The following LCOR variants were observed in gnomAD, a reference collection of about 807,000 sequenced individuals.
LCOR encodes the protein ligand dependent nuclear receptor corepressor.
Under a neutral mutation model 64.4 loss-of-function variants are expected in LCOR, and 14 were observed. The ratio of observed to expected loss-of-function variants is 0.22; its 90% CI spans 0.14 to 0.34. LCOR has a LOEUF of 0.34. Ranked by LOEUF, LCOR falls within the 10% of genes least tolerant of loss-of-function variation. LCOR has a pLI of 1.00. For missense variants in LCOR, 1,686 were observed against 1,765.3 expected (o/e 0.96, Z 0.80); for synonymous variants, 643 against 642.5 (o/e 1.00, Z -0.01).
Position 96,984,170 on chromosome 10 carries a change from A to G in LCOR, c.3710A>G (p.Lys1237Arg). The part of the protein sequence containing the change: ...PSSLQAERLK[K>R]HLKKFPGATP... ...TCACTACAGGCTGAGCGCTTGAAAAAGCACTTGAAGAAATTTCCTGGAGCT... is the reference window on the plus strand; with the variant it reads ...TCACTACAGGCTGAGCGCTTGAAAAGGCACTTGAAGAAATTTCCTGGAGCT... Residue 1237 changes from lysine to arginine, a missense_variant, in exon 8 of 8, where the codon AAG (lysine) becomes AGG (arginine). By Grantham distance (26) the Lys-to-Arg change is conservative (BLOSUM62 2). Transcript: ENST00000421806. The G allele has an allele frequency of 1.9e-6, 3 of 1,614,134 alleles. No homozygotes were observed. Among genetic ancestry groups the G allele is most frequent in the Non-Finnish European group, 2.5e-6 (3 of 1,180,012 alleles).
rs1277188934 is a variant in LCOR at position 96,984,982 on chromosome 10, C to T, written c.4522C>T (p.Gln1508Ter). The change falls in exon 8 of 8, where the codon CAG (glutamine) becomes TAG (stop). Residue 1508 changes from glutamine (Q) to a stop codon, truncating the protein, a stop_gained. Transcript: ENST00000421806. LOFTEE classifies it high-confidence loss of function. ...KGAGESSSRPQKATNRKQSSG... is the reference protein window; with the variant it reads ...KGAGESSSRP Reference sequence around the variant, plus strand: ...GGCCGGTGAATCCTCTTCAAGGCCTCAGAAAGCCACGAATAGGAAGCAGAG... The same window carrying T: ...GGCCGGTGAATCCTCTTCAAGGCCTTAGAAAGCCACGAATAGGAAGCAGAG... 1 of 1,614,058 alleles carries T rather than the reference C, an allele frequency of 6.2e-7. No homozygotes were observed. The highest frequency in any genetic ancestry group is 8.5e-7 in the Non-Finnish European group (1 of 1,180,052).
chr10:96,845,652 A>G (rs1014153916), intron 2 of LCOR, among the ~76,000 whole-genome samples: 2 of 150,400 alleles, frequency 1.3e-5, no homozygotes, highest in African/African-American at 4.9e-5. Flanking sequence ...TATTTTTAGT[A>G]GAGACGGGGT....
intron 4 of LCOR, among the ~76,000 whole-genome samples, chr10:96,924,522 G>T (rs1589659810): frequency 1.3e-5 from 2 of 152,006 alleles, no homozygotes; most frequent in East Asian, 3.9e-4. Context: ...GATTATAGAT[G>T]TGAGCTACTG....
chr10:96,852,290 C>T (rs578162424), intron 2 of LCOR, among the ~76,000 whole-genome samples: 342 of 152,082 alleles, frequency 2.2e-3, no homozygotes, highest in Non-Finnish European at 2.4e-3. Flanking sequence ...AGTCTGGTGG[C>T]GCATGCCTGT....
At chr10:96,967,982 A>C (rs965565754) in intron 7 of LCOR, among the ~76,000 whole-genome samples, 2 of 152,226 alleles carry the variant, frequency 1.3e-5, no homozygotes, top group African/African-American at 2.4e-5. Flanking sequence ...GACTAGATCC[A>C]CTGAATCAGT....
chr10:96,907,258 CT>C lies in LCOR; in HGVS notation c.-329-4del, dbSNP rs1846745582. 1 of 963,436 alleles carries C rather than the reference CT, an allele frequency of 1.0e-6. No individual in the cohort carries two copies. The highest frequency in any genetic ancestry group is 1.2e-6 in the Non-Finnish European group (1 of 809,994). 59.7% of individuals were successfully genotyped at this position (963,436 alleles called of 1,614,324 possible). A position where few individuals can be genotyped will look rare whatever the true frequency, so the allele number is the denominator to read the frequency against. ...TGTGGTAATGGATTTTGTTTTTATC[CT>C]TTCAGGGTTTGAAAGTATTCTTGAA... is the stretch of plus-strand genomic sequence containing the variant. On this transcript the variant is annotated splice_region_variant and splice_polypyrimidine_tract_variant and intron_variant, in intron 2 of 7. Coordinates refer to ENST00000421806, the MANE Select transcript of LCOR (RefSeq NM_001346516.2).
At chr10:96,835,662 A>G (rs1164877593) in intron 2 of LCOR, among the ~76,000 whole-genome samples, 1 of 152,120 alleles carries the variant, frequency 6.6e-6, no homozygotes, top group Non-Finnish European at 1.5e-5. Flanking sequence ...CTCTTGACTG[A>G]TTATCTTAAT....
chr10:96,844,117 CT>C lies in LCOR; in HGVS notation c.-330+10639del, dbSNP rs1185525079. Among the ~76,000 whole-genome samples the C allele has an allele frequency of 2.8e-4, 29 of 103,898 alleles. 1 individual carries two copies. Among genetic ancestry groups the C allele is most frequent in the African/African-American group, 1.0e-3 (22 of 21,016 alleles). The allele number at this position is 103,898 out of a possible 152,430, so 68.2% of individuals were successfully genotyped here. On this transcript the variant is annotated intron_variant, in intron 2 of 7. Coordinates refer to ENST00000421806, the MANE Select transcript of LCOR (RefSeq NM_001346516.2). ...CCTCCCTCCCTCCCTTCCTTCCCCC[CT>C]CCCTCCCTTCCTTCCCTCCCTCCCT... is the stretch of plus-strand genomic sequence containing the variant.
intron 7 of LCOR, among the ~76,000 whole-genome samples, chr10:96,954,702 G>A (rs6584108): frequency 1 from 152,185 of 152,272 alleles, 76,049 homozygotes; most frequent in Middle Eastern, 1. Flanking sequence ...ACCAGAGACC[G>A]GCTGACAGGT....
chr10:96,857,434 C>T (rs1161766120), intron 2 of LCOR, among the ~76,000 whole-genome samples: 1 of 152,158 alleles, frequency 6.6e-6, no homozygotes, highest in Non-Finnish European at 1.5e-5. Flanking sequence ...ATAAATTTAT[C>T]ATGTCCAGCT....
chr10:96,875,037 A>C (rs1846139631), intron 2 of LCOR, among the ~76,000 whole-genome samples: 2 of 149,820 alleles, frequency 1.3e-5, no homozygotes, highest in African/African-American at 2.5e-5. Context: ...CTGCACCTCC[A>C]CCCCCACCCC....
chr10:96,992,684 G>A lies in LCOR; in HGVS notation c.*7550G>A, dbSNP rs891729905. ...CTTGCATGCACAGTTGGTACATTCA[G>A]CTGTACACTTAACAGCCTGTACAGG... On this transcript the variant is annotated 3_prime_UTR_variant, in exon 8 of 8. Transcript: ENST00000421806. The A allele has an allele frequency of 2.0e-5, 3 of 152,268 alleles. No individual in the cohort carries two copies. Among genetic ancestry groups the A allele is most frequent in the Non-Finnish European group, 4.4e-5 (3 of 68,060 alleles). 9.4% of individuals were successfully genotyped at this position (152,268 alleles called of 1,614,324 possible).
chr10:96,925,803 G>A (rs1648138788), intron 4 of LCOR, among the ~76,000 whole-genome samples: 1 of 152,084 alleles, frequency 6.6e-6, no homozygotes, highest in Non-Finnish European at 1.5e-5. Flanking sequence ...ATAGTTTCTT[G>A]CCTAAATCAG....
At chr10:96,936,731 C>T (rs1847356679) in intron 4 of LCOR, among the ~76,000 whole-genome samples, 1 of 149,130 alleles carries the variant, frequency 6.7e-6, no homozygotes, top group East Asian at 1.9e-4. Context: ...ATGAATCCAC[C>T]CCTGGTACCT....
chr10:96,977,698 G>A (rs948786079), intron 7 of LCOR, among the ~76,000 whole-genome samples: 1 of 151,920 alleles, frequency 6.6e-6, no homozygotes, highest in Non-Finnish European at 1.5e-5. Context: ...TTGATGTGGG[G>A]TCTCACTCTG....
At chr10:96,898,909 A>C (rs1846587102) in intron 2 of LCOR, among the ~76,000 whole-genome samples, 1 of 152,182 alleles carries the variant, frequency 6.6e-6, no homozygotes, top group Non-Finnish European at 1.5e-5. Flanking sequence ...GAGATAGTGA[A>C]AACCTGAATT....
intron 7 of LCOR, chr10:96,955,246 T>A (rs781039088): frequency 8.1e-6 from 13 of 1,614,138 alleles, no homozygotes; most frequent in Non-Finnish European, 1.0e-5. Context: ...CGTATGAAGT[T>A]CAGGGGAAAT....
chr10:96,890,317 C>A (rs1358474710), intron 2 of LCOR, among the ~76,000 whole-genome samples: 1 of 152,080 alleles, frequency 6.6e-6, no homozygotes, highest in East Asian at 1.9e-4. Flanking sequence ...CTCCTGGCCT[C>A]AAGCAATCTT....
At chr10:96,877,406 T>A (rs1357058531) in intron 2 of LCOR, among the ~76,000 whole-genome samples, 1 of 151,878 alleles carries the variant, frequency 6.6e-6, no homozygotes, top group Non-Finnish European at 1.5e-5. Flanking sequence ...ATGTCTGTAG[T>A]CCCAGTACTT....
Sources: gnomAD v4.1 joint callset for allele counts (sites outside exome capture counted in the v4.1 genomes callset) on GRCh38, gnomAD v4.1.1 for gene constraint, MANE v1.5 for transcripts, NCBI Gene and HGNC (gene_info 2026-07-23, HGNC 2026-07-21) for gene names.